The following PTPN13 variants were observed in gnomAD, a reference collection of about 807,000 sequenced individuals.
PTPN13 encodes the protein protein tyrosine phosphatase non-receptor type 13.
A neutral mutation model predicts 284.0 loss-of-function variants in PTPN13; 191 were observed. That is an observed-to-expected ratio of 0.67 (90% CI 0.60 to 0.76). The LOEUF is 0.76. Ranked by LOEUF, PTPN13 falls within the 30% of genes least tolerant of loss-of-function variation. The pLI, the probability that PTPN13 is intolerant of heterozygous loss-of-function variation, is 0.00. For missense variants in PTPN13, 2,797 were observed against 2,939.9 expected (o/e 0.95, Z 1.12); for synonymous variants, 986 against 1,022.3 (o/e 0.96, Z 0.68).
chr4:86,620,359 T>C (rs1306375585), intron 1 of PTPN13, among the ~76,000 whole-genome samples: 2 of 152,098 alleles, frequency 1.3e-5, no homozygotes, highest in Admixed American at 1.3e-4. Flanking sequence ...GAGATGGGGT[T>C]TCACCATGTT....
chr4:86,770,147 T>C lies in PTPN13; in HGVS notation c.4751T>C (p.Leu1584Pro), dbSNP rs1394341176. ...LRGTAPEVFL[L>P]LCRPPPGVLP... Reference sequence around the variant, plus strand: ...GGAACTGCTCCAGAAGTATTCTTGCTTCTCTGCAGACCTCCACCTGGTGTG... The same window carrying C: ...GGAACTGCTCCAGAAGTATTCTTGCCTCTCTGCAGACCTCCACCTGGTGTG... The change falls in exon 30 of 48, where the codon CTT (leucine) becomes CCT (proline). Residue 1584 changes from leucine to proline, a missense_variant. By Grantham distance (98) the Leu-to-Pro change is moderately conservative (BLOSUM62 -3). Coordinates refer to ENST00000411767, the MANE Select transcript of PTPN13 (RefSeq NM_080683.3). 2 of 1,613,824 alleles carry C rather than the reference T, an allele frequency of 1.2e-6. No homozygotes were observed.
intron 15 of PTPN13, among the ~76,000 whole-genome samples, chr4:86,738,910 G>GC (rs1178062793): frequency 6.6e-6 from 1 of 152,122 alleles, no homozygotes; most frequent in Non-Finnish European, 1.5e-5. Context: ...CAAACTCCTA[G>GC]CCTGAAGTAA....
chr4:86,674,841 T>TA (rs1378416846), intron 3 of PTPN13, among the ~76,000 whole-genome samples: 3 of 152,208 alleles, frequency 2.0e-5, no homozygotes, highest in African/African-American at 7.2e-5. Flanking sequence ...CATATATAGT[T>TA]ATTCATTTTT....
rs1044852771 is a variant in PTPN13 at position 86,728,026 on chromosome 4, A to G, written c.1609-4374A>G. ...TCTGGTATGTTGTGTCTTCGTTCTCATTGGTTTCAAAGAACATCTTTATTT... is the reference window on the plus strand; with the variant it reads ...TCTGGTATGTTGTGTCTTCGTTCTCGTTGGTTTCAAAGAACATCTTTATTT... On this transcript the variant is annotated intron_variant, in intron 10 of 47. Coordinates refer to ENST00000411767, the MANE Select transcript of PTPN13 (RefSeq NM_080683.3). Among the ~76,000 whole-genome samples the G allele has an allele frequency of 2.3e-4, 35 of 149,312 alleles. 2 individuals are homozygous for G. Among genetic ancestry groups the G allele is most frequent in the Non-Finnish European group, 1.5e-5 (1 of 66,592 alleles).
intron 35 of PTPN13, among the ~76,000 whole-genome samples, chr4:86,777,945 G>A (rs28404766): frequency 6.6e-6 from 1 of 152,128 alleles, no homozygotes; most frequent in Non-Finnish European, 1.5e-5. Flanking sequence ...GCTAACTTTA[G>A]GTCCAACTGA....
At chr4:86,734,643 A>C (rs186691671) in intron 13 of PTPN13, 94 bp from the exon 14 acceptor site, 97 of 1,410,732 alleles carry the variant, frequency 6.9e-5, no homozygotes, top group Admixed American at 1.4e-4. Context: ...CTTAGTAATA[A>C]ACTCATGGAA....
At chr4:86,605,795 A>G (rs1031475430) in intron 1 of PTPN13, among the ~76,000 whole-genome samples, 9 of 151,870 alleles carry the variant, frequency 5.9e-5, no homozygotes, top group South Asian at 2.1e-4. Context: ...AGGCAAGATT[A>G]TCTCAGGCAT....
At chr4:86,716,671 T>G in intron 8 of PTPN13, 46 bp downstream of exon 8, 4 of 1,207,472 alleles carry the variant, frequency 3.3e-6, no homozygotes, top group Non-Finnish European at 4.7e-6. Context: ...GAAACCACGA[T>G]TATTATTATT....
intron 41 of PTPN13, among the ~76,000 whole-genome samples, chr4:86,797,882 A>G (rs1743530484): frequency 1.3e-5 from 2 of 152,076 alleles, no homozygotes; most frequent in African/African-American, 4.8e-5. Context: ...AAGGGTTTTT[A>G]TCTATGAGGG....
chr4:86,595,306 A>G (rs1763547270), intron 1 of PTPN13, among the ~76,000 whole-genome samples: 1 of 151,870 alleles, frequency 6.6e-6, no homozygotes, highest in Admixed American at 6.6e-5. Context: ...GGGCAGAGGG[A>G]GAGACACTGT....
At chr4:86,751,562 T>G (rs1267398385) in intron 19 of PTPN13, among the ~76,000 whole-genome samples, 2 of 152,128 alleles carry the variant, frequency 1.3e-5, no homozygotes, top group Non-Finnish European at 2.9e-5. Context: ...TCAAGGGGTC[T>G]GCCCACCTTG....
At chr4:86,662,367 C>G (rs1211755429) in intron 2 of PTPN13, among the ~76,000 whole-genome samples, 1 of 152,156 alleles carries the variant, frequency 6.6e-6, no homozygotes, top group African/African-American at 2.4e-5. Flanking sequence ...GAGTCTCACT[C>G]TGTCACCAGG....
intron 7 of PTPN13, among the ~76,000 whole-genome samples, chr4:86,714,140 A>T (rs1254543288): frequency 6.6e-6 from 1 of 151,536 alleles, no homozygotes; most frequent in East Asian, 1.9e-4. Context: ...AGCCTACCCT[A>T]CATCTTCATG....
At chr4:86,698,546 G>A (rs1476595452) in intron 6 of PTPN13, among the ~76,000 whole-genome samples, 4 of 152,056 alleles carry the variant, frequency 2.6e-5, no homozygotes, top group Non-Finnish European at 4.4e-5. Flanking sequence ...GACACCTAAG[G>A]AAATCCAACA....
intron 29 of PTPN13, 24 bp from the exon 30 acceptor site, chr4:86,770,077 A>G (rs1739806469): frequency 2.5e-6 from 4 of 1,612,262 alleles, no homozygotes; most frequent in South Asian, 2.2e-5. Flanking sequence ...CTGTACCTTC[A>G]TTTGTCATTC....
chr4:86,602,936 C>G (rs1425620217), intron 1 of PTPN13, among the ~76,000 whole-genome samples: 1 of 152,044 alleles, frequency 6.6e-6, no homozygotes, highest in Non-Finnish European at 1.5e-5. Context: ...TGGACTCAAG[C>G]GATCCTCCTG....
intron 1 of PTPN13, among the ~76,000 whole-genome samples, chr4:86,601,118 A>T (rs916311046): frequency 6.6e-6 from 1 of 152,124 alleles, no homozygotes; most frequent in African/African-American, 2.4e-5. Context: ...CTAGTACTCT[A>T]TGAAAATTTA....
chr4:86,618,059 G>C (rs1578261491), intron 1 of PTPN13, among the ~76,000 whole-genome samples: 1 of 152,036 alleles, frequency 6.6e-6, no homozygotes, highest in Admixed American at 6.6e-5. Flanking sequence ...TATGGTTTTA[G>C]GTCTAACGTT....
At chr4:86,638,000 G>A (rs1447510906) in intron 2 of PTPN13, among the ~76,000 whole-genome samples, 1 of 151,984 alleles carries the variant, frequency 6.6e-6, no homozygotes, top group Non-Finnish European at 1.5e-5. Context: ...CAAAATCAAT[G>A]TACAAAAATC....
Sources: gnomAD v4.1 joint callset for allele counts (sites outside exome capture counted in the v4.1 genomes callset) on GRCh38, gnomAD v4.1.1 for gene constraint, MANE v1.5 for transcripts, NCBI Gene and HGNC (gene_info 2026-07-23, HGNC 2026-07-21) for gene names.